SHISA9: variants seen among roughly 807,000 people sequenced by gnomAD.
The protein encoded by SHISA9 is shisa family member 9.
In SHISA9, 13 loss-of-function variants were observed where a neutral mutation model predicts 38.0. The observed-to-expected ratio is 0.34, with a 90% CI of 0.22 to 0.54. SHISA9 has a LOEUF of 0.54. Among genes scored for constraint, SHISA9 ranks in the 20% least tolerant of loss-of-function variants. The pLI is 0.91. For missense variants in SHISA9, 538 were observed against 575.8 expected (o/e 0.93, Z 0.67); for synonymous variants, 275 against 242.0 (o/e 1.14, Z -1.27).
chr16:13,100,870 GC>G (rs2141957010), intron 2 of SHISA9, among the ~76,000 whole-genome samples: 1 of 152,232 alleles, frequency 6.6e-6, no homozygotes, highest in African/African-American at 2.4e-5. Context: ...ACCACGCCTG[GC>G]TAATTTTGTA....
chr16:12,974,985 G>C (rs1324354593), intron 2 of SHISA9, among the ~76,000 whole-genome samples: 1 of 151,922 alleles, frequency 6.6e-6, no homozygotes, highest in Admixed American at 6.6e-5. Flanking sequence ...TTCCAGCATT[G>C]GTACCTTGTT....
intron 4 of SHISA9, among the ~76,000 whole-genome samples, chr16:13,221,575 C>T (rs1047241206): frequency 6.6e-6 from 1 of 151,936 alleles, no homozygotes; most frequent in Non-Finnish European, 1.5e-5. Context: ...TAAAATGTCC[C>T]ACAAATACAG....
chr16:13,458,741 G>A, the SHISA9 span: 1 of 203,948 alleles, frequency 4.9e-6, no homozygotes, highest in Non-Finnish European at 1.0e-5. Flanking sequence ...ATTTAAGACA[G>A]AGGCTCAGTT....
At chr16:12,916,555 C>T in intron 1 of SHISA9, 133 bp from the exon 2 acceptor site, 1 of 1,076,714 alleles carries the variant, frequency 9.3e-7, no homozygotes, top group South Asian at 1.8e-5. Flanking sequence ...TTTCTCTACT[C>T]CACCCCTAAC....
intron 2 of SHISA9, among the ~76,000 whole-genome samples, chr16:13,188,012 GTGTTAT>G (rs745388831): frequency 2.0e-5 from 3 of 152,138 alleles, no homozygotes; most frequent in Non-Finnish European, 2.9e-5. Context: ...GAAGTGTGCT[GTGTTAT>G]TACCTGATCA....
chr16:13,058,940 G>C (rs276633), intron 2 of SHISA9, among the ~76,000 whole-genome samples: 12 of 151,846 alleles, frequency 7.9e-5, no homozygotes, highest in African/African-American at 2.4e-4. Context: ...TGTGGGTTTG[G>C]GGGGTGGACA....
At chr16:12,951,877 G>GA (rs1210202973) in intron 2 of SHISA9, among the ~76,000 whole-genome samples, 4 of 152,222 alleles carry the variant, frequency 2.6e-5, no homozygotes, top group Admixed American at 2.0e-4. Context: ...AGAGGCTGAA[G>GA]ATGGAGAAAT....
intron 2 of SHISA9, among the ~76,000 whole-genome samples, chr16:12,984,013 A>T (rs1036556260): frequency 6.6e-6 from 1 of 152,112 alleles, no homozygotes; most frequent in Non-Finnish European, 1.5e-5. Context: ...GTGTTTTTTT[A>T]AAAAATGTAA....
At chr16:13,244,290 G>A (rs2051456544), downstream of SHISA9, among the ~76,000 whole-genome samples, 2 of 151,900 alleles carry the variant, frequency 1.3e-5, no homozygotes, top group Admixed American at 6.6e-5. Context: ...AATACAGTTG[G>A]CCCTTGAACA....
the SHISA9 span, among the ~76,000 whole-genome samples, chr16:13,285,751 C>T: frequency 6.6e-6 from 1 of 152,068 alleles, no homozygotes; most frequent in Non-Finnish European, 1.5e-5. Context: ...CTTTTAATTA[C>T]TTATCCTGCT....
the SHISA9 span, among the ~76,000 whole-genome samples, chr16:13,561,624 G>A: frequency 2.0e-5 from 3 of 152,224 alleles, no homozygotes. Context: ...ATAGCGAGGT[G>A]TGGGGAGCTG....
At chr16:12,984,063 T>A (rs1340811837) in intron 2 of SHISA9, among the ~76,000 whole-genome samples, 2 of 152,306 alleles carry the variant, frequency 1.3e-5, no homozygotes, top group Non-Finnish European at 2.9e-5. Flanking sequence ...TTCTAGTCCA[T>A]CTGGGGCTCT....
At chr16:13,152,322 A>C (rs2050506784) in intron 2 of SHISA9, among the ~76,000 whole-genome samples, 2 of 152,102 alleles carry the variant, frequency 1.3e-5, no homozygotes, top group African/African-American at 4.8e-5. Context: ...TAGGCTTGTT[A>C]GGTTTCTCTG....
chr16:13,115,609 G>C (rs1431200361), intron 2 of SHISA9, among the ~76,000 whole-genome samples: 1 of 152,208 alleles, frequency 6.6e-6, no homozygotes, highest in East Asian at 1.9e-4. Flanking sequence ...ATGTTACAGT[G>C]CTGCAGAGAT....
the SHISA9 span, among the ~76,000 whole-genome samples, chr16:13,323,959 G>C: frequency 6.6e-6 from 1 of 152,168 alleles, no homozygotes; most frequent in East Asian, 1.9e-4. Context: ...GATTCCTCAT[G>C]AATGACTTGA....
At chr16:13,456,622 T>G in the SHISA9 span, among the ~76,000 whole-genome samples, 2 of 152,226 alleles carry the variant, frequency 1.3e-5, no homozygotes, top group Non-Finnish European at 2.9e-5. Flanking sequence ...TTTGTTTGCC[T>G]GAGGGTCTTG....
chr16:13,122,001 CTACT>C (rs2050216251), intron 2 of SHISA9, among the ~76,000 whole-genome samples: 1 of 152,104 alleles, frequency 6.6e-6, no homozygotes, highest in Non-Finnish European at 1.5e-5. Flanking sequence ...TTCACATAAA[CTACT>C]TACCACAGTG....
the SHISA9 span, among the ~76,000 whole-genome samples, chr16:13,534,509 G>A: frequency 6.6e-6 from 1 of 152,210 alleles, no homozygotes; most frequent in African/African-American, 2.4e-5. Flanking sequence ...ACAGGTGTGA[G>A]TCACCATGCC....
chr16:13,060,382 G>A (rs1217109430), intron 2 of SHISA9, among the ~76,000 whole-genome samples: 1 of 152,054 alleles, frequency 6.6e-6, no homozygotes, highest in Non-Finnish European at 1.5e-5. Context: ...ATCAACCAGA[G>A]GACATGAGGC....
Sources: gnomAD v4.1 joint callset for allele counts (sites outside exome capture counted in the v4.1 genomes callset) on GRCh38, gnomAD v4.1.1 for gene constraint, MANE v1.5 for transcripts, NCBI Gene and HGNC (gene_info 2026-07-23, HGNC 2026-07-21) for gene names.